The following ARHGAP19 variants were observed in gnomAD, a reference collection of about 807,000 sequenced individuals.
ARHGAP19 encodes rho GTPase-activating protein 19.
Under a neutral mutation model 60.9 loss-of-function variants are expected in ARHGAP19, and 48 were observed. That is an observed-to-expected ratio of 0.79 (90% CI 0.62 to 1.00). ARHGAP19 has a LOEUF of 1.00. ARHGAP19 is among the 50% of genes least tolerant of loss of function. The pLI is 0.00. For synonymous variants in ARHGAP19, 209 were observed against 215.5 expected, an observed-to-expected ratio of 0.97 and a Z score of 0.27; for missense variants, 562 against 597.2, an observed-to-expected ratio of 0.94 and a Z score of 0.61.
At chr10:97,251,410 G>A (rs1327776992) in intron 6 of ARHGAP19, among the ~76,000 whole-genome samples, 1 of 24,328 alleles carries the variant, frequency 4.1e-5, no homozygotes, top group Non-Finnish European at 8.3e-5. Flanking sequence ...GAAGGGAAGG[G>A]AAAGGAAGGG....
At chr10:97,278,444 A>G (rs1843045539) in intron 1 of ARHGAP19, among the ~76,000 whole-genome samples, 1 of 152,182 alleles carries the variant, frequency 6.6e-6, no homozygotes, top group Non-Finnish European at 1.5e-5. Context: ...CAGGACTCTT[A>G]GCAGTTTAAA....
chr10:97,229,203 A>C lies in ARHGAP19; in HGVS notation c.1418T>G (p.Val473Gly), dbSNP rs1287272241. 2 of 1,614,008 alleles carry C rather than the reference A, an allele frequency of 1.2e-6. No individual in the cohort carries two copies. Among genetic ancestry groups the C allele is most frequent in the African/African-American group, 2.7e-5 (2 of 74,930 alleles). The change falls in exon 11 of 12, where the codon GTC becomes GGC. Residue 473 changes from valine to glycine, a missense_variant. Val to Gly is a moderately radical substitution (Grantham distance 109, BLOSUM62 -3). Transcript: ENST00000358531. ...RNLLFSGSPA[V>G]TMTPTRLKWS... is the part of the protein sequence containing the mutation. ...CTTCAATCTTGTTGGTGTCATCGTG[A>C]CAGCTGGAGAGCCAGAAAATAACTG... is the stretch of plus-strand genomic sequence containing the variant.
chr10:97,272,842 G>GC (rs1554866003), intron 1 of ARHGAP19, among the ~76,000 whole-genome samples: 1 of 125,608 alleles, frequency 8.0e-6, no homozygotes, highest in Non-Finnish European at 1.7e-5. Flanking sequence ...TATGTTTGTT[G>GC]TTTTTTTTTT....
chr10:97,224,862 C>CA lies in ARHGAP19; in HGVS notation c.*1259dup, dbSNP rs1177985458. 4 of 152,448 alleles carry CA rather than the reference C, an allele frequency of 2.6e-5. No individual in the cohort carries two copies. The highest frequency in any genetic ancestry group is 5.9e-5 in the Non-Finnish European group (4 of 68,234). The allele number at this position is 152,448 out of a possible 1,614,324, so 9.4% of individuals were successfully genotyped here. Reference sequence around the variant, plus strand: ...CCAACACAAGTGAACACACCAAATCCAAAAGCCAGAAGCTCTGGCCCCATC... The same window carrying CA: ...CCAACACAAGTGAACACACCAAATCCAAAAAGCCAGAAGCTCTGGCCCCATC... On this transcript the variant is annotated 3_prime_UTR_variant, in exon 12 of 12. Transcript: ENST00000358531.
chr10:97,263,400 T>A lies in ARHGAP19; in HGVS notation c.613+20A>T. ...TTGAAAGAAATGTATTTACATCTCC[T>A]TCTTACTTCCTATACTCACCAGCGA... On this transcript the variant is annotated intron_variant, in intron 4 of 11. Coordinates refer to ENST00000358531, the MANE Select transcript of ARHGAP19 (RefSeq NM_032900.6). 6.2e-7 allele frequency: 1 copy of A among 1,610,620 alleles called. No individual in the cohort carries two copies. Among genetic ancestry groups the A allele is most frequent in the Middle Eastern group, 1.7e-4 (1 of 6,058 alleles).
At position 97,287,204 on chromosome 10, in the gene ARHGAP19, C is replaced by T. The variant is rs149240032; in HGVS notation, c.56+5368G>A. On this transcript the variant is annotated intron_variant, in intron 1 of 11. Coordinates refer to ENST00000358531, the MANE Select transcript of ARHGAP19 (RefSeq NM_032900.6). ...AGGTGATCTTCCTGTCTCTGCCTCC[C>T]CCTCCCAAAATACTGGGATTACAGG... 5.4e-3 allele frequency among the ~76,000 whole-genome samples: 821 copies of T among 152,256 alleles called. 1 individual carries two copies. The highest frequency in any genetic ancestry group is 0.01 in the Middle Eastern group (3 of 294).
intron 9 of ARHGAP19, among the ~76,000 whole-genome samples, chr10:97,232,392 T>C (rs1851041116): frequency 6.6e-6 from 1 of 152,078 alleles, no homozygotes; most frequent in Non-Finnish European, 1.5e-5. Flanking sequence ...CTTAATCTCC[T>C]GACCTCGTGA....
At chr10:97,263,728 C>T (rs1842861865) in intron 3 of ARHGAP19, 99 bp from the exon 4 acceptor site, 3 of 1,217,590 alleles carry the variant, frequency 2.5e-6, no homozygotes, top group Non-Finnish European at 3.5e-6. Context: ...TTAAAAGACC[C>T]TTCACAAAGC....
At chr10:97,283,569 T>G (rs1463622458) in intron 1 of ARHGAP19, among the ~76,000 whole-genome samples, 2 of 151,582 alleles carry the variant, frequency 1.3e-5, no homozygotes, top group Non-Finnish European at 2.9e-5. Context: ...AAAAAAAAAT[T>G]GTATTTCAAT....
At chr10:97,283,981 T>A (rs1208300206) in intron 1 of ARHGAP19, among the ~76,000 whole-genome samples, 1 of 152,026 alleles carries the variant, frequency 6.6e-6, no homozygotes, top group Non-Finnish European at 1.5e-5. Flanking sequence ...GCACCCAGGC[T>A]GGAGCACAGT....
At chr10:97,253,364 G>T (rs982032204) in intron 6 of ARHGAP19, among the ~76,000 whole-genome samples, 1 of 145,554 alleles carries the variant, frequency 6.9e-6, no homozygotes, top group Non-Finnish European at 1.5e-5. Flanking sequence ...GGTAACCAGA[G>T]TGAAAACTCT....
chr10:97,279,762 T>C (rs1384198610), intron 1 of ARHGAP19, among the ~76,000 whole-genome samples: 6 of 152,066 alleles, frequency 3.9e-5, no homozygotes, highest in Non-Finnish European at 8.8e-5. Flanking sequence ...AGTGCTGGGA[T>C]CACAGGCATA....
chr10:97,232,579 C>T (rs1397415152), intron 9 of ARHGAP19, among the ~76,000 whole-genome samples: 1 of 152,168 alleles, frequency 6.6e-6, no homozygotes, highest in East Asian at 1.9e-4. Context: ...TCTCCCAATC[C>T]AGGGTTGCCT....
chr10:97,225,923 C>T lies in ARHGAP19; in HGVS notation c.*199G>A, dbSNP rs1363312171. 4 of 594,540 alleles carry T rather than the reference C, an allele frequency of 6.7e-6. No individual in the cohort carries two copies. The East Asian group carries it at 1.1e-4, about 17-fold the overall frequency. The allele number at this position is 594,540 out of a possible 1,614,324, so 36.8% of individuals were successfully genotyped here. A position where few individuals can be genotyped will look rare whatever the true frequency, so the allele number is the denominator to read the frequency against. On this transcript the variant is annotated 3_prime_UTR_variant, in exon 12 of 12. Coordinates refer to ENST00000358531, the MANE Select transcript of ARHGAP19 (RefSeq NM_032900.6). ...AAAAAAGAGAGACAGGGCCTAAGCA[C>T]TCTCTCAGAAGGCACAGCTTGCAAA...
chr10:97,284,507 T>G (rs945260550), intron 1 of ARHGAP19, among the ~76,000 whole-genome samples: 1 of 151,988 alleles, frequency 6.6e-6, no homozygotes, highest in African/African-American at 2.4e-5. Flanking sequence ...GGGAAAAAAG[T>G]ATATACTGGG....
intron 1 of ARHGAP19, 130 bp downstream of exon 1, chr10:97,292,442 C>A: frequency 8.1e-7 from 1 of 1,234,750 alleles, no homozygotes; most frequent in Non-Finnish European, 1.2e-6. Context: ...CCCGCAGGCG[C>A]GACGATGAGA....
chr10:97,268,950 A>G (rs1208806230), intron 1 of ARHGAP19, among the ~76,000 whole-genome samples: 2 of 152,256 alleles, frequency 1.3e-5, no homozygotes, highest in Non-Finnish European at 2.9e-5. Context: ...TCTTTATTAC[A>G]TAAGCAGTCA....
chr10:97,263,707 C>A, intron 3 of ARHGAP19, 78 bp from the exon 4 acceptor site: 2 of 1,397,158 alleles, frequency 1.4e-6, no homozygotes, highest in East Asian at 2.3e-5. Context: ...GGTCTAAAGA[C>A]TACTTTACAC....
intron 9 of ARHGAP19, among the ~76,000 whole-genome samples, chr10:97,234,341 A>G (rs765777437): frequency 9.9e-5 from 15 of 151,690 alleles, no homozygotes; most frequent in Admixed American, 2.6e-4. Context: ...TTACAGGTGC[A>G]GCAAACCACC....
Sources: gnomAD v4.1 joint callset for allele counts (sites outside exome capture counted in the v4.1 genomes callset) on GRCh38, gnomAD v4.1.1 for gene constraint, MANE v1.5 for transcripts, NCBI Gene and HGNC (gene_info 2026-07-23, HGNC 2026-07-21) for gene names.